NEDD4L: variants seen among roughly 807,000 people sequenced by gnomAD.
NEDD4L encodes the protein NEDD4 like E3 ubiquitin protein ligase, also known as E3 ubiquitin-protein ligase NEDD4-like.
In NEDD4L, 54 loss-of-function variants were observed where a neutral mutation model predicts 148.9. That is an observed-to-expected ratio of 0.36 (90% CI 0.29 to 0.45). The LOEUF (loss-of-function observed/expected upper bound fraction) is 0.45, where lower values mean the gene tolerates loss of function less well. NEDD4L is among the 20% of genes least tolerant of loss of function. The pLI, the probability that NEDD4L is intolerant of heterozygous loss-of-function variation, is 1.00. For missense variants in NEDD4L, 856 were observed against 1,233.8 expected, an observed-to-expected ratio of 0.69 and a Z score of 4.59; for synonymous variants, 433 against 440.7, an observed-to-expected ratio of 0.98 and a Z score of 0.22.
intron 3 of NEDD4L, among the ~76,000 whole-genome samples, chr18:58,245,877 T>G (rs1262419175): frequency 6.8e-6 from 1 of 147,654 alleles, no homozygotes; most frequent in Admixed American, 6.7e-5. Context: ...TTTGTATTTT[T>G]AGTAGAGACA....
intron 2 of NEDD4L, among the ~76,000 whole-genome samples, chr18:58,198,845 C>A (rs558992925): frequency 1.3e-5 from 2 of 152,138 alleles, no homozygotes; most frequent in Non-Finnish European, 2.9e-5. Flanking sequence ...ACTCTGTCAC[C>A]CAGGTCTGGA....
At chr18:58,337,997 C>T (rs763791358) in intron 13 of NEDD4L, among the ~76,000 whole-genome samples, 1 of 152,184 alleles carries the variant, frequency 6.6e-6, no homozygotes, top group African/African-American at 2.4e-5. Flanking sequence ...TAAAAATACA[C>T]GAGCCACCAT....
At chr18:58,391,617 G>C in intron 30 of NEDD4L, 58 bp downstream of exon 30, 6 of 1,231,316 alleles carry the variant, frequency 4.9e-6, no homozygotes, top group Non-Finnish European at 7.0e-6. Flanking sequence ...AGCTGGGTAT[G>C]GTGCTGGGCT....
Position 58,225,003 on chromosome 18 carries a change from TA to T in NEDD4L, c.123-20423del, listed in dbSNP as rs79617152. Among the ~76,000 whole-genome samples the T allele has an allele frequency of 4.1e-3, 619 of 152,252 alleles. 5 individuals carry two copies. Among genetic ancestry groups the T allele is most frequent in the East Asian group, 0.026 (135 of 5,184 alleles). On this transcript the variant is annotated intron_variant, in intron 2 of 30. Transcript: ENST00000400345. ...TTTCTTTAAATTATTTGTTTATTGA[TA>T]GGGGCCACCCACTCCAGGTGAGTGG...
intron 2 of NEDD4L, among the ~76,000 whole-genome samples, chr18:58,169,731 C>T (rs1009721746): frequency 1.3e-5 from 2 of 152,224 alleles, no homozygotes; most frequent in Non-Finnish European, 2.9e-5. Context: ...TTCCCAAGGA[C>T]GTACTCTGCC....
intron 19 of NEDD4L, 170 bp downstream of exon 19, chr18:58,357,422 C>T (rs1192799918): frequency 1.4e-6 from 1 of 731,090 alleles, no homozygotes; most frequent in Non-Finnish European, 2.5e-6. Context: ...AGGTGAGGTA[C>T]AGCTGCATGT....
chr18:58,293,742 T>A (rs2055120101), intron 5 of NEDD4L, among the ~76,000 whole-genome samples: 1 of 152,008 alleles, frequency 6.6e-6, no homozygotes, highest in South Asian at 2.1e-4. Context: ...GTAAGGAAAA[T>A]TTTTTTTGAG....
At chr18:58,094,898 C>CT (rs200027953) in intron 1 of NEDD4L, among the ~76,000 whole-genome samples, 4 of 116,192 alleles carry the variant, frequency 3.4e-5, no homozygotes, top group Admixed American at 9.5e-5. Context: ...AGAAAGAGCA[C>CT]TTAAAAAAAA....
At chr18:58,242,994 T>C (rs1420002176) in intron 2 of NEDD4L, among the ~76,000 whole-genome samples, 1 of 152,242 alleles carries the variant, frequency 6.6e-6, no homozygotes, top group African/African-American at 2.4e-5. Flanking sequence ...GACTTCTTTA[T>C]TACTGCTGGA....
chr18:58,240,073 T>G (rs1600121800), intron 2 of NEDD4L, among the ~76,000 whole-genome samples: 1 of 152,210 alleles, frequency 6.6e-6, no homozygotes, highest in East Asian at 1.9e-4. Context: ...TCTGTCAGAC[T>G]CCTTATGACT....
chr18:58,329,364 T>A (rs761648329), intron 10 of NEDD4L, among the ~76,000 whole-genome samples: 2 of 152,188 alleles, frequency 1.3e-5, no homozygotes. Context: ...TTTTTATTTT[T>A]ATTTTTTTTG....
At chr18:58,387,297 T>G in intron 26 of NEDD4L, 142 bp from the exon 27 acceptor site, 1 of 936,608 alleles carries the variant, frequency 1.1e-6, no homozygotes, top group Non-Finnish European at 1.5e-6. Context: ...GGAACTATAG[T>G]TACTTGATAC....
At chr18:58,062,069 A>C (rs2082360618) in intron 1 of NEDD4L, among the ~76,000 whole-genome samples, 1 of 152,196 alleles carries the variant, frequency 6.6e-6, no homozygotes, top group Non-Finnish European at 1.5e-5. Context: ...TGGTATTTTC[A>C]AAGTTATATG....
chr18:58,341,660 T>G lies in NEDD4L; in HGVS notation c.1258-18T>G, dbSNP rs996082343. 4 of 1,608,364 alleles carry G rather than the reference T, an allele frequency of 2.5e-6. No individual in the cohort carries two copies. The highest frequency in any genetic ancestry group is 3.4e-6 in the Non-Finnish European group (4 of 1,177,388). ...GAGATCCTCCTATGAAGCTAACTTG[T>G]TTTTGCCTCCAAAATAGCTTGCAGA... On this transcript the variant is annotated intron_variant, in intron 14 of 30. Transcript: ENST00000400345.
chr18:58,341,869 T>G (rs1427480551), intron 15 of NEDD4L, 72 bp downstream of exon 15: 2 of 1,540,942 alleles, frequency 1.3e-6, no homozygotes, highest in Non-Finnish European at 1.8e-6. Context: ...CTCTTAACTC[T>G]GCCTTCAGTT....
chr18:58,341,802 G>A lies in NEDD4L; in HGVS notation c.1377+5G>A. On this transcript the variant is annotated splice_donor_5th_base_variant and intron_variant, in intron 15 of 30. Transcript: ENST00000400345. ...ACTTTATCTGCCCCGCTGGAGGTGA[G>A]ACGGCTACCTCATCTAACTGGACTC... is the stretch of plus-strand genomic sequence containing the variant. 6.2e-7 allele frequency: 1 copy of A among 1,611,538 alleles called. No homozygotes were observed. The highest frequency in any genetic ancestry group is 8.5e-7 in the Non-Finnish European group (1 of 1,178,968).
At chr18:58,351,157 T>C in intron 18 of NEDD4L, 112 bp downstream of exon 18, 2 of 1,525,158 alleles carry the variant, frequency 1.3e-6, no homozygotes, top group Non-Finnish European at 1.8e-6. Context: ...CAGCCAGGTG[T>C]TATGTGGAGA....
chr18:58,192,197 G>A (rs939741614), intron 2 of NEDD4L, among the ~76,000 whole-genome samples: 2 of 152,194 alleles, frequency 1.3e-5, no homozygotes, highest in African/African-American at 2.4e-5. Flanking sequence ...GATAGCATTT[G>A]AGTTGGCTTT....
chr18:58,335,432 G>A (rs946963339), intron 12 of NEDD4L, 46 bp from the exon 13 acceptor site: 2 of 1,512,954 alleles, frequency 1.3e-6, no homozygotes, highest in Non-Finnish European at 1.8e-6. Flanking sequence ...GACAGCAGGG[G>A]GTCATCCCCT....
Sources: gnomAD v4.1 joint callset for allele counts (sites outside exome capture counted in the v4.1 genomes callset) on GRCh38, gnomAD v4.1.1 for gene constraint, MANE v1.5 for transcripts, NCBI Gene and HGNC (gene_info 2026-07-23, HGNC 2026-07-21) for gene names.